The following SLC1A3 variants were observed in gnomAD, a reference collection of about 807,000 sequenced individuals.
SLC1A3 encodes the protein excitatory amino acid transporter 1.
A neutral mutation model predicts 48.1 loss-of-function variants in SLC1A3; 21 were observed. The ratio of observed to expected loss-of-function variants is 0.44; its 90% confidence interval spans 0.31 to 0.63. The LOEUF is 0.63. Among genes scored for constraint, SLC1A3 ranks in the 20% least tolerant of loss-of-function variants. The pLI, the probability that SLC1A3 is intolerant of heterozygous loss-of-function variation, is 0.08. For missense variants in SLC1A3, 546 were observed against 689.0 expected, an observed-to-expected ratio of 0.79 and a Z score of 2.32; for synonymous variants, 239 against 251.4, an observed-to-expected ratio of 0.95 and a Z score of 0.47.
chr5:36,641,367 G>A (rs549909965), intron 3 of SLC1A3, among the ~76,000 whole-genome samples: 1 of 151,940 alleles, frequency 6.6e-6, no homozygotes, highest in African/African-American at 2.4e-5. Flanking sequence ...GCACTTTAAG[G>A]TTTCTTAACT....
At position 36,686,963 on chromosome 5, in the gene SLC1A3, T is replaced by C. The variant is rs186603216; in HGVS notation, c.*694T>C. 1,064 of 155,546 alleles carry C rather than the reference T, an allele frequency of 6.8e-3. 8 individuals are homozygous for C. Among genetic ancestry groups the C allele is most frequent in the African/African-American group, 0.022 (917 of 41,604 alleles). The allele number at this position is 155,546 out of a possible 1,614,324, so 9.6% of individuals were successfully genotyped here. A position where few individuals can be genotyped will look rare whatever the true frequency, so the allele number is the denominator to read the frequency against. On this transcript the variant is annotated 3_prime_UTR_variant, in exon 10 of 10. Coordinates refer to ENST00000265113, the MANE Select transcript of SLC1A3 (RefSeq NM_004172.5). ...TGATGTCATGAAAGCACCTGCCCTC[T>C]GTTTCCCCTCAGAACACCCTGTACC...
At chr5:36,667,355 T>C (rs540315358) in intron 3 of SLC1A3, among the ~76,000 whole-genome samples, 1 of 152,324 alleles carries the variant, frequency 6.6e-6, no homozygotes, top group South Asian at 2.1e-4. Flanking sequence ...CTCCACAGAA[T>C]TATCTTCAAG....
At chr5:36,667,412 G>A (rs991404414) in intron 3 of SLC1A3, among the ~76,000 whole-genome samples, 1 of 152,164 alleles carries the variant, frequency 6.6e-6, no homozygotes, top group Non-Finnish European at 1.5e-5. Flanking sequence ...GAAAGTTAGA[G>A]AAAGTCAGCA....
chr5:36,644,006 C>T (rs1379436944), intron 3 of SLC1A3, among the ~76,000 whole-genome samples: 2 of 136,528 alleles, frequency 1.5e-5, no homozygotes, highest in South Asian at 2.5e-4. Context: ...GGCAAGACTC[C>T]GTCTCAAAAA....
intron 2 of SLC1A3, among the ~76,000 whole-genome samples, chr5:36,621,301 T>C (rs1192162160): frequency 6.6e-6 from 1 of 152,176 alleles, no homozygotes; most frequent in African/African-American, 2.4e-5. Context: ...AGGGGGATCC[T>C]GTCTAAGATG....
intron 4 of SLC1A3, among the ~76,000 whole-genome samples, chr5:36,671,851 C>T (rs1202988366): frequency 6.6e-6 from 1 of 152,182 alleles, no homozygotes; most frequent in Non-Finnish European, 1.5e-5. Context: ...CTACTTGAAG[C>T]AGACTTGGTA....
intron 3 of SLC1A3, among the ~76,000 whole-genome samples, chr5:36,658,575 T>C (rs1233660514): frequency 6.6e-6 from 1 of 152,182 alleles, no homozygotes; most frequent in East Asian, 1.9e-4. Context: ...GGGAAAGGGT[T>C]AAAAGGAATG....
At chr5:36,616,340 G>A (rs1202994308) in intron 2 of SLC1A3, among the ~76,000 whole-genome samples, 2 of 152,134 alleles carry the variant, frequency 1.3e-5, no homozygotes, top group Non-Finnish European at 2.9e-5. Context: ...AAGATAAAAG[G>A]CCCAAAAAGG....
At chr5:36,667,350 C>T (rs77253381) in intron 3 of SLC1A3, among the ~76,000 whole-genome samples, 8,670 of 152,230 alleles carry the variant, frequency 0.057, 350 homozygotes, top group Middle Eastern at 0.11. Flanking sequence ...TATTCCTCCA[C>T]AGAATTATCT....
At chr5:36,680,327 G>A (rs1243815355) in intron 7 of SLC1A3, 68 bp from the exon 8 acceptor site, 5 of 1,370,026 alleles carry the variant, frequency 3.6e-6, no homozygotes, top group Non-Finnish European at 4.2e-6. Context: ...CTGTCCCAAA[G>A]ACCAAACGCA....
chr5:36,669,138 G>A (rs567825928), intron 3 of SLC1A3: 1 of 152,366 alleles, frequency 6.6e-6, no homozygotes, highest in East Asian at 1.9e-4. Flanking sequence ...CACAGGGAGA[G>A]AGCCGGAAGA....
chr5:36,628,743 AG>A (rs1740010407), intron 2 of SLC1A3, among the ~76,000 whole-genome samples: 2 of 152,210 alleles, frequency 1.3e-5, no homozygotes, highest in Non-Finnish European at 2.9e-5. Flanking sequence ...TCAGTTGTAG[AG>A]GGAAAATTAA....
intron 3 of SLC1A3, among the ~76,000 whole-genome samples, chr5:36,656,779 A>G (rs1395173084): frequency 6.6e-6 from 1 of 152,236 alleles, no homozygotes; most frequent in African/African-American, 2.4e-5. Flanking sequence ...CAACAAAGCT[A>G]TACTGAGTTC....
intron 9 of SLC1A3, among the ~76,000 whole-genome samples, chr5:36,685,441 T>C (rs1278605678): frequency 6.6e-6 from 1 of 152,134 alleles, no homozygotes; most frequent in Non-Finnish European, 1.5e-5. Flanking sequence ...CACGCCTGGC[T>C]AATTTTTGTA....
chr5:36,637,196 G>A (rs901767108), intron 3 of SLC1A3, among the ~76,000 whole-genome samples: 9 of 152,294 alleles, frequency 5.9e-5, no homozygotes, highest in Middle Eastern at 3.4e-3. Context: ...AGGGACAGTG[G>A]TCTAGATCCA....
intron 4 of SLC1A3, 39 bp from the exon 5 acceptor site, chr5:36,674,010 C>G (rs750200485): frequency 1.3e-6 from 2 of 1,560,414 alleles, no homozygotes; most frequent in Non-Finnish European, 1.8e-6. Flanking sequence ...AAACTTATTA[C>G]TTGGAAAATT....
At chr5:36,670,988 C>G in intron 3 of SLC1A3, 41 bp from the exon 4 acceptor site, 1 of 1,566,332 alleles carries the variant, frequency 6.4e-7, no homozygotes, top group Non-Finnish European at 8.8e-7. Flanking sequence ...GGAGAATTCC[C>G]TGGACTGACT....
intron 3 of SLC1A3, among the ~76,000 whole-genome samples, chr5:36,648,061 A>G (rs1561263473): frequency 6.6e-6 from 1 of 152,236 alleles, no homozygotes; most frequent in African/African-American, 2.4e-5. Flanking sequence ...CGCATTAATT[A>G]TCATGAAGCT....
intron 3 of SLC1A3, among the ~76,000 whole-genome samples, chr5:36,653,384 A>T (rs930119785): frequency 6.6e-6 from 1 of 152,204 alleles, no homozygotes. Flanking sequence ...ATAAATACTT[A>T]ACCTCTGACT....
Sources: allele counts gnomAD v4.1 joint callset (sites outside exome capture counted in the v4.1 genomes callset), GRCh38; gene constraint gnomAD v4.1.1; transcripts MANE v1.5; gene names NCBI Gene and HGNC (gene_info 2026-07-23, HGNC 2026-07-21).